ACY1: variants seen among roughly 807,000 people sequenced by gnomAD.
The protein encoded by ACY1 is aminoacylase 1.
ACY1 carries 38 observed loss-of-function variants against 53.3 expected under a neutral mutation model. The ratio of observed to expected loss-of-function variants is 0.71; its 90% CI spans 0.55 to 0.93. The LOEUF (loss-of-function observed/expected upper bound fraction) is 0.93, where lower values mean the gene tolerates loss of function less well. ACY1 is among the 40% of genes least tolerant of loss of function. The probability of loss-of-function intolerance (pLI) is 0.00; values close to 1 mark genes in which losing one functional copy is unlikely to be tolerated. For missense variants in ACY1, 484 were observed against 540.9 expected (o/e 0.89, Z 1.04); for synonymous variants, 177 against 202.1 (o/e 0.88, Z 1.05).
In ACY1 at chr3:51,988,982, G is replaced by T; in HGVS notation, c.1134G>T (p.Arg378=). ...TPVLLHDHDE[R]LHEAVFLRGV... ...TGCTGCTGCACGACCACGATGAACG[G>T]CTGCATGAGGCTGTGTTCCTCCGTG... is the stretch of plus-strand genomic sequence containing the variant. The change falls in exon 15 of 15, where the codon CGG becomes CGT. Residue 378 remains arginine (R), a synonymous_variant. Transcript: ENST00000636358. The T allele has an allele frequency of 6.2e-7, 1 of 1,614,154 alleles. No homozygotes were observed. The highest frequency in any genetic ancestry group is 8.5e-7 in the Non-Finnish European group (1 of 1,180,022).
Position 51,986,994 on chromosome 3 carries a change from G to A in ACY1, c.590G>A (p.Arg197Gln), listed in dbSNP as rs143611624. ...FYSERSPWWVRVTSTGRPGHA... is the reference protein window; with the variant it reads ...FYSERSPWWVQVTSTGRPGHA... ...TCCCCCTACACCTCCCCAGGGGTGC[G>A]GGTTACCAGCACTGGGAGGCCAGGC... The change falls in exon 9 of 15, where the codon CGG becomes CAG. Residue 197 changes from arginine (R) to glutamine (Q), a missense_variant. By Grantham distance (43) the Arg-to-Gln change is conservative (BLOSUM62 1). Coordinates refer to ENST00000636358, the MANE Select transcript of ACY1 (RefSeq NM_000666.3). The A allele has an allele frequency of 8.2e-5, 133 of 1,612,432 alleles. No homozygotes were observed. In the African/African-American group the frequency reaches 1.3e-3, roughly 16 times the overall value.
chr3:51,987,729 CT>C, intron 12 of ACY1, 105 bp downstream of exon 12: 1 of 1,207,556 alleles, frequency 8.3e-7, no homozygotes, highest in Non-Finnish European at 1.2e-6. Context: ...CTGGGCATTT[CT>C]TTATCTGTGA....
At chr3:51,986,814 C>T in intron 8 of ACY1, 153 bp downstream of exon 8, 5 of 1,271,802 alleles carry the variant, frequency 3.9e-6, no homozygotes, top group Non-Finnish European at 5.6e-6. Flanking sequence ...ATCTGAGCTT[C>T]TCTGAGGGCA....
intron 8 of ACY1, 25 bp downstream of exon 8, chr3:51,986,686 C>T: frequency 1.2e-6 from 2 of 1,612,740 alleles, no homozygotes; most frequent in Non-Finnish European, 1.7e-6. Context: ...GGAGGGAGGG[C>T]TCACTCTACA....
Position 51,985,760 on chromosome 3 carries a change from A to G in ACY1, c.265-92A>G, listed in dbSNP as rs1701032857. On this transcript the variant is annotated intron_variant, in intron 4 of 14. Coordinates refer to ENST00000636358, the MANE Select transcript of ACY1 (RefSeq NM_000666.3). ...CCACTCCACCTGTCACTCCAACCCT[A>G]TGGTGGGCTCCTAGGGCAGGGCCAC... 3 of 1,116,008 alleles carry G rather than the reference A, an allele frequency of 2.7e-6. No individual in the cohort carries two copies. In the East Asian group the frequency reaches 7.7e-5, roughly 29 times the overall value. The allele number at this position is 1,116,008 out of a possible 1,614,324, so 69.1% of individuals were successfully genotyped here.
Position 51,985,947 on chromosome 3 carries a change from G to GT in ACY1, c.359+2dup, listed in dbSNP as rs1371393713. ...AGGACATGAAGTGCGTCAGCATCCA[G>GT]TGAGTGTCCTCCATTCCTACTCCTC... On this transcript the variant is annotated splice_donor_variant, in intron 5 of 14. Coordinates refer to ENST00000636358, the MANE Select transcript of ACY1 (RefSeq NM_000666.3). LOFTEE classifies it high-confidence loss of function. 4.3e-6 allele frequency: 7 copies of GT among 1,609,936 alleles called. 2 individuals carry two copies. The South Asian group carries it at 7.8e-5, about 18-fold the overall frequency.
At chr3:51,985,574 C>T (rs1701027689) in intron 4 of ACY1, 109 bp downstream of exon 4, 2 of 1,044,594 alleles carry the variant, frequency 1.9e-6, no homozygotes, top group East Asian at 2.5e-5. Context: ...AGTCCTGACA[C>T]TAACTCTCAA....
In ACY1 at chr3:51,986,648, G is replaced by A. The variant is rs1701071509; in HGVS notation, c.570G>A (p.Glu190=). The change falls in exon 8 of 15, where the codon GAG becomes GAA. Residue 190 remains glutamate (E), a synonymous_variant. Coordinates refer to ENST00000636358, the MANE Select transcript of ACY1 (RefSeq NM_000666.3). ...PTDAFTVFYS[E]RSPWWVRVTS... is the part of the protein sequence containing the mutation. ...ATGCCTTCACTGTCTTTTATAGTGAGCGGAGTCCCTGGTGTAAGTATGAGC... is the reference window on the plus strand; with the variant it reads ...ATGCCTTCACTGTCTTTTATAGTGAACGGAGTCCCTGGTGTAAGTATGAGC... 3.7e-6 allele frequency: 6 copies of A among 1,614,070 alleles called. No individual in the cohort carries two copies. Among genetic ancestry groups the A allele is most frequent in the Non-Finnish European group, 4.2e-6 (5 of 1,180,024 alleles).
intron 12 of ACY1, 121 bp downstream of exon 12, chr3:51,987,745 C>A: frequency 1.8e-6 from 2 of 1,086,250 alleles, no homozygotes; most frequent in Non-Finnish European, 1.3e-6. Flanking sequence ...CTGTGACAGA[C>A]ACATTTTATT....
rs1264069665 is a variant in ACY1 at position 51,985,316 on chromosome 3, C to T, written c.159+45C>T. ...CGGGGAAGGGAGGTGGGCCTGGGCA[C>T]TTCCTCACCCTGCTCAGACCACCTA... On this transcript the variant is annotated intron_variant, in intron 3 of 14. Coordinates refer to ENST00000636358, the MANE Select transcript of ACY1 (RefSeq NM_000666.3). 10 of 1,613,648 alleles carry T rather than the reference C, an allele frequency of 6.2e-6. No homozygotes were observed. The Admixed American group carries it at 1.7e-4, about 27-fold the overall frequency.
chr3:51,983,677 T>G (rs1700960823), intron 1 of ACY1, 88 bp downstream of exon 1: 5 of 278,408 alleles, frequency 1.8e-5, no homozygotes, highest in South Asian at 3.9e-5. Flanking sequence ...TTCTTGTTTG[T>G]TTTTTGTTTT....
chr3:51,984,100 G>C lies in ACY1; in HGVS notation c.36G>C (p.Ser12=). 1.9e-6 allele frequency: 3 copies of C among 1,613,730 alleles called. No individual in the cohort carries two copies. The South Asian group carries it at 3.3e-5, about 18-fold the overall frequency. The change falls in exon 2 of 15, where the codon TCG becomes TCC. Residue 12 remains serine, a synonymous_variant. Transcript: ENST00000636358. ...AGGGTCCCGAGGAGGAGCACCCATC[G>C]GTGACGCTCTTCCGCCAGTACCTGC... ...TSKGPEEEHP[S]VTLFRQYLRI...
rs749283684 is a variant in ACY1, at chr3:51,989,102, CT to C, written c.*28del. 1 of 1,610,942 alleles carries C rather than the reference CT, an allele frequency of 6.2e-7. No individual in the cohort carries two copies. Among genetic ancestry groups the C allele is most frequent in the Non-Finnish European group, 8.5e-7 (1 of 1,180,046 alleles). ...CCCTGGAACTCCTAAACCTTTGCCC[CT>C]GGGGCTTCCATCCCAACCAGTGCCA... On this transcript the variant is annotated 3_prime_UTR_variant, in exon 15 of 15. Coordinates refer to ENST00000636358, the MANE Select transcript of ACY1 (RefSeq NM_000666.3).
rs767973120 is a variant in ACY1, at chr3:51,987,664, G to A, written c.921+40G>A. 4.0e-5 allele frequency: 64 copies of A among 1,600,098 alleles called. No individual in the cohort carries two copies. In the South Asian group the frequency reaches 4.3e-4, roughly 11 times the overall value. ...CATGTGATGGGAGAGTGTGGGAGCC[G>A]GGGGAGACCCAAGTGTGCAACAGTG... is the stretch of plus-strand genomic sequence containing the variant. On this transcript the variant is annotated intron_variant, in intron 12 of 14. Coordinates refer to ENST00000636358, the MANE Select transcript of ACY1 (RefSeq NM_000666.3).
In ACY1 at chr3:51,988,827, G is replaced by A; in HGVS notation, c.1062+1G>A. 6.2e-7 allele frequency: 1 copy of A among 1,614,234 alleles called. No individual in the cohort carries two copies. Among genetic ancestry groups the A allele is most frequent in the Non-Finnish European group, 8.5e-7 (1 of 1,180,046 alleles). On this transcript the variant is annotated splice_donor_variant, in intron 14 of 14. Transcript: ENST00000636358. LOFTEE classifies it high-confidence loss of function. ...CACTGACAACCGCTATATCCGCGCG[G>A]TGAGCCACTTGCATATAGTGCCTGG... is the stretch of plus-strand genomic sequence containing the variant.
At chr3:51,987,863 CA>C in intron 12 of ACY1, 1 of 535,032 alleles carries the variant, frequency 1.9e-6, no homozygotes, top group African/African-American at 1.9e-5. Flanking sequence ...AGATATAAAT[CA>C]AACATTTATG....
At chr3:51,983,826 C>T (rs1270484454) in intron 1 of ACY1, among the ~76,000 whole-genome samples, 1 of 151,988 alleles carries the variant, frequency 6.6e-6, no homozygotes, top group Admixed American at 6.6e-5. Flanking sequence ...GCATTCTGAG[C>T]ACAAACTTCA....
intron 12 of ACY1, chr3:51,988,238 C>T: frequency 1.9e-6 from 1 of 533,190 alleles, no homozygotes. Flanking sequence ...ACTGGAGTAT[C>T]CAACTAGTCT....
intron 2 of ACY1, 113 bp from the exon 3 acceptor site, chr3:51,985,094 T>C (rs1701009884): frequency 2.0e-6 from 2 of 998,894 alleles, no homozygotes; most frequent in South Asian, 1.4e-5. Context: ...GGATATGGAG[T>C]GTGTCGGGGA....
Sources: allele counts gnomAD v4.1 joint callset (sites outside exome capture counted in the v4.1 genomes callset), GRCh38; gene constraint gnomAD v4.1.1; transcripts MANE v1.5; gene names NCBI Gene and HGNC (gene_info 2026-07-23, HGNC 2026-07-21).